Variants in KCNIP4 observed in about 807,000 individuals in gnomAD.
KCNIP4 encodes potassium voltage-gated channel interacting protein 4, also known as Kv channel-interacting protein 4.
A neutral mutation model predicts 34.0 loss-of-function variants in KCNIP4; 12 were observed. The observed-to-expected ratio is 0.35, with a 90% CI of 0.23 to 0.57. The LOEUF (loss-of-function observed/expected upper bound fraction) is 0.57, where lower values mean the gene tolerates loss of function less well. Ranked by LOEUF, KCNIP4 falls within the 20% of genes least tolerant of loss-of-function variation. The pLI, the probability that KCNIP4 is intolerant of heterozygous loss-of-function variation, is 0.83. For synonymous variants in KCNIP4, 124 were observed against 102.2 expected, an observed-to-expected ratio of 1.21 and a Z score of -1.29; for missense variants, 238 against 311.7, an observed-to-expected ratio of 0.76 and a Z score of 1.78.
At chr4:21,547,085 C>G (rs1293010821) in intron 1 of KCNIP4, among the ~76,000 whole-genome samples, 1 of 152,046 alleles carries the variant, frequency 6.6e-6, no homozygotes, top group Non-Finnish European at 1.5e-5. Context: ...GTGATCAAAC[C>G]ATGCCCCTGA....
intron 1 of KCNIP4, among the ~76,000 whole-genome samples, chr4:21,509,413 A>G (rs1224871992): frequency 6.6e-6 from 1 of 152,232 alleles, no homozygotes; most frequent in African/African-American, 2.4e-5. Context: ...TGACAATACC[A>G]TAATTTATAC....
At chr4:21,781,405 G>A (rs540138529) in intron 1 of KCNIP4, among the ~76,000 whole-genome samples, 1 of 152,226 alleles carries the variant, frequency 6.6e-6, no homozygotes, top group East Asian at 1.9e-4. Context: ...AGAGCAGTAT[G>A]AGATCAGACT....
At chr4:21,211,479 G>C (rs1757220137) in intron 1 of KCNIP4, among the ~76,000 whole-genome samples, 1 of 152,062 alleles carries the variant, frequency 6.6e-6, no homozygotes, top group Admixed American at 6.6e-5. Flanking sequence ...GAGGGATCCA[G>C]GTTGCATGCT....
Position 21,481,708 on chromosome 4 carries a change from G to A in KCNIP4, c.61+466863C>T, listed in dbSNP as rs532076569. Among the ~76,000 whole-genome samples, 10 of 152,094 alleles carry A rather than the reference G, an allele frequency of 6.6e-5. No individual in the cohort carries two copies. The East Asian group carries it at 9.7e-4, about 15-fold the overall frequency. On this transcript the variant is annotated intron_variant, in intron 1 of 8. Transcript: ENST00000382152. Reference sequence around the variant, plus strand: ...TACTGCGAAGAAGGGAAAAACACACGGCAGGTCCACTATACGGGGCCACTT... The same window carrying A: ...TACTGCGAAGAAGGGAAAAACACACAGCAGGTCCACTATACGGGGCCACTT...
chr4:21,437,443 A>C (rs138217334), intron 1 of KCNIP4, among the ~76,000 whole-genome samples: 1 of 152,138 alleles, frequency 6.6e-6, no homozygotes, highest in Non-Finnish European at 1.5e-5. Context: ...GGAGCCTTGA[A>C]CTCGCCATGC....
At chr4:21,388,744 T>G (rs1722266583) in intron 1 of KCNIP4, among the ~76,000 whole-genome samples, 1 of 152,190 alleles carries the variant, frequency 6.6e-6, no homozygotes, top group South Asian at 2.1e-4. Flanking sequence ...TATATTTCAT[T>G]TAATTAAAAT....
At chr4:21,116,626 G>A (rs529115213) in intron 1 of KCNIP4, among the ~76,000 whole-genome samples, 1 of 151,976 alleles carries the variant, frequency 6.6e-6, no homozygotes, top group Non-Finnish European at 1.5e-5. Flanking sequence ...TCCTATATCT[G>A]GTTTATGGTT....
chr4:20,782,977 CT>C (rs1468954106), intron 3 of KCNIP4, among the ~76,000 whole-genome samples: 1 of 152,162 alleles, frequency 6.6e-6, no homozygotes, highest in Non-Finnish European at 1.5e-5. Context: ...GAAATTTCTT[CT>C]GCCAGATACC....
chr4:21,396,532 G>A (rs1160559578), intron 1 of KCNIP4, among the ~76,000 whole-genome samples: 2 of 78,670 alleles, frequency 2.5e-5, no homozygotes, highest in African/African-American at 3.8e-5. Context: ...CTCCAGCCTG[G>A]TGACAGAGCA....
chr4:21,012,003 C>A (rs2149733397), intron 1 of KCNIP4, among the ~76,000 whole-genome samples: 1 of 152,226 alleles, frequency 6.6e-6, no homozygotes, highest in African/African-American at 2.4e-5. Context: ...GAGTCTTTCA[C>A]AAAGAGAAAC....
At chr4:21,134,203 A>G (rs926972163) in intron 1 of KCNIP4, among the ~76,000 whole-genome samples, 2 of 152,134 alleles carry the variant, frequency 1.3e-5, no homozygotes, top group African/African-American at 4.8e-5. Flanking sequence ...CTGAGATAGT[A>G]AGACCAACCC....
intron 1 of KCNIP4, among the ~76,000 whole-genome samples, chr4:21,865,292 A>G (rs1311765558): frequency 6.6e-6 from 1 of 151,956 alleles, no homozygotes; most frequent in East Asian, 1.9e-4. Context: ...TCCATCATCA[A>G]TAAAAACAAA....
At chr4:21,326,721 T>A (rs1715107371) in intron 1 of KCNIP4, among the ~76,000 whole-genome samples, 1 of 151,954 alleles carries the variant, frequency 6.6e-6, no homozygotes, top group South Asian at 2.1e-4. Flanking sequence ...CTCTTCCTTT[T>A]TTCCTTCCTT....
intron 1 of KCNIP4, among the ~76,000 whole-genome samples, chr4:21,133,599 T>A (rs1751264492): frequency 6.6e-6 from 1 of 152,210 alleles, no homozygotes; most frequent in African/African-American, 2.4e-5. Context: ...TCTTCCATCA[T>A]CCTAATCTAT....
intron 1 of KCNIP4, among the ~76,000 whole-genome samples, chr4:21,916,306 A>C (rs1728628440): frequency 6.6e-6 from 1 of 152,320 alleles, no homozygotes; most frequent in East Asian, 1.9e-4. Context: ...TAAATCTCAA[A>C]GTTACAATCA....
chr4:21,640,559 C>G (rs1746542941), intron 1 of KCNIP4, among the ~76,000 whole-genome samples: 1 of 152,154 alleles, frequency 6.6e-6, no homozygotes, highest in African/African-American at 2.4e-5. Context: ...AGTTAAATTA[C>G]TGTGGGCCAG....
chr4:21,702,967 A>G (rs1043253340), intron 1 of KCNIP4, among the ~76,000 whole-genome samples: 4 of 131,332 alleles, frequency 3.0e-5, no homozygotes, highest in South Asian at 4.6e-4. Flanking sequence ...TCAAAGTAGT[A>G]CATCATATTA....
At chr4:21,876,645 T>C (rs1200165694) in intron 1 of KCNIP4, among the ~76,000 whole-genome samples, 1 of 152,146 alleles carries the variant, frequency 6.6e-6, no homozygotes, top group African/African-American at 2.4e-5. Flanking sequence ...TAAGTTAAAA[T>C]AGATTTCAAG....
intron 1 of KCNIP4, among the ~76,000 whole-genome samples, chr4:21,254,438 C>A (rs1175100636): frequency 6.6e-6 from 1 of 152,196 alleles, no homozygotes; most frequent in Non-Finnish European, 1.5e-5. Flanking sequence ...GTCTTCACTG[C>A]AGACCTACAG....
Sources: allele counts gnomAD v4.1 joint callset (sites outside exome capture counted in the v4.1 genomes callset), GRCh38; gene constraint gnomAD v4.1.1; transcripts MANE v1.5; gene names NCBI Gene and HGNC (gene_info 2026-07-23, HGNC 2026-07-21).